The following FANCD2 variants were observed in gnomAD, a reference collection of about 807,000 sequenced individuals.
FANCD2 encodes Fanconi anemia group D2 protein.
Under a neutral mutation model 192.3 loss-of-function variants are expected in FANCD2, and 131 were observed. That is an observed-to-expected ratio of 0.68 (90% CI 0.59 to 0.79). FANCD2 has a LOEUF of 0.79. FANCD2 is among the 30% of genes least tolerant of loss of function. FANCD2 has a pLI of 0.00. For missense variants in FANCD2, 1,508 were observed against 1,701.6 expected (o/e 0.89, Z 2.00); for synonymous variants, 524 against 612.5 (o/e 0.86, Z 2.13).
chr3:10,088,471 C>G lies in FANCD2; in HGVS notation c.3489C>G (p.Leu1163=), dbSNP rs774328826. 6.2e-7 allele frequency: 1 copy of G among 1,610,626 alleles called. No homozygotes were observed. The highest frequency in any genetic ancestry group is 1.1e-5 in the South Asian group (1 of 91,002). Residue 1163 remains leucine, a synonymous_variant, in exon 35 of 44, where the codon CTC becomes CTG. Transcript: ENST00000675286. ...EKIASLARQF[L]CRVWPSGDKE... ...CAGCTTCCCTTGCCAGACAATTCCT[C>G]TGTCGGGTGTGGCCAAGTGGGGATA...
At chr3:10,070,320 G>T (rs1211104826) in intron 26 of FANCD2, among the ~76,000 whole-genome samples, 1 of 149,138 alleles carries the variant, frequency 6.7e-6, no homozygotes, top group African/African-American at 2.5e-5. Flanking sequence ...CACCCCGTCC[G>T]GGAGGGAGGT....
intron 36 of FANCD2, among the ~76,000 whole-genome samples, chr3:10,089,608 T>C (rs1694460752): frequency 6.6e-6 from 1 of 152,150 alleles, no homozygotes. Context: ...TAACTGGGAT[T>C]ATAGGCACCC....
intron 26 of FANCD2, among the ~76,000 whole-genome samples, chr3:10,068,393 A>G (rs1011118716): frequency 2.6e-5 from 4 of 152,172 alleles, no homozygotes; most frequent in Admixed American, 1.3e-4. Flanking sequence ...AGCTACAAAT[A>G]AAATAAACAA....
In FANCD2 at chr3:10,034,457, T is replaced by G. The variant is rs2086681054; in HGVS notation, c.206-12T>G. 1 of 1,608,766 alleles carries G rather than the reference T, an allele frequency of 6.2e-7. No homozygotes were observed. The highest frequency in any genetic ancestry group is 1.3e-5 in the African/African-American group (1 of 74,766). ...AGGAAACTGGTGACCAGCTCTTCTT[T>G]TTTCTGCATAGCTGTGGATCAAATA... On this transcript the variant is annotated splice_polypyrimidine_tract_variant and intron_variant, in intron 3 of 43. Coordinates refer to ENST00000675286, the MANE Select transcript of FANCD2 (RefSeq NM_001018115.3).
chr3:10,098,622 A>G (rs1200369728), intron 42 of FANCD2, 98 bp from the exon 43 acceptor site: 1 of 1,467,856 alleles, frequency 6.8e-7, no homozygotes, highest in East Asian at 2.5e-5. Context: ...AATGGCTAAA[A>G]TATCTTCCTT....
At chr3:10,052,267 T>G in intron 17 of FANCD2, 120 bp from the exon 18 acceptor site, 1 of 713,830 alleles carries the variant, frequency 1.4e-6, no homozygotes, top group South Asian at 1.5e-5. Context: ...TTAAGGGAGC[T>G]AAAAAGTTTT....
At position 10,065,903 on chromosome 3, in the gene FANCD2, A is replaced by G. The variant is rs533245636; in HGVS notation, c.2309A>G (p.Lys770Arg). ...CTAACTGACCTGGAGCCTGGAGAGA[A>G]GTTGGAGTCCATGTCTGCTAAAGAG... ...IFLTDLEPGE[K>R]LESMSAKERS... Residue 770 changes from lysine (K) to arginine (R), a missense_variant, in exon 25 of 44, where the codon AAG (lysine) becomes AGG (arginine). Around this residue, in one of 5 missense-constraint regions of FANCD2, gnomAD observed 796 missense variants for 879.4 expected, o/e 0.91. Transcript: ENST00000675286. 3.0e-5 allele frequency: 49 copies of G among 1,613,600 alleles called. No homozygotes were observed. Among genetic ancestry groups the G allele is most frequent in the Middle Eastern group, 3.3e-4 (2 of 6,056 alleles).
intron 2 of FANCD2, among the ~76,000 whole-genome samples, chr3:10,031,748 T>C (rs1207446861): frequency 4.6e-5 from 7 of 152,164 alleles, no homozygotes; most frequent in Non-Finnish European, 8.8e-5. Flanking sequence ...TCAAATTTGG[T>C]GTGTATCAGG....
At position 10,101,374 on chromosome 3, in the gene FANCD2, C is replaced by A. The variant is rs745331502; in HGVS notation, c.*112C>A. ...CTTACTGGTAGGATCCTTTTTTGTT[C>A]CTCTTTTTTTTTTTTTTTTTTTTTT... is the stretch of plus-strand genomic sequence containing the variant. On this transcript the variant is annotated 3_prime_UTR_variant, in exon 44 of 44. Coordinates refer to ENST00000675286, the MANE Select transcript of FANCD2 (RefSeq NM_001018115.3). 1.5e-3 allele frequency: 860 copies of A among 577,290 alleles called. 8 individuals are homozygous for A. The Middle Eastern group carries it at 0.033, about 22-fold the overall frequency. 35.8% of individuals were successfully genotyped at this position (577,290 alleles called of 1,614,324 possible). A position where few individuals can be genotyped will look rare whatever the true frequency, so the allele number is the denominator to read the frequency against.
chr3:10,092,301 CA>C, intron 38 of FANCD2, 49 bp downstream of exon 38: 1 of 1,416,728 alleles, frequency 7.1e-7, no homozygotes, highest in South Asian at 1.1e-5. Flanking sequence ...CTGCAGAAAC[CA>C]AGTGTCCTGG....
intron 9 of FANCD2, chr3:10,040,890 T>C (rs1046572440): frequency 1.6e-5 from 3 of 183,682 alleles, no homozygotes; most frequent in African/African-American, 7.2e-5. Context: ...GTCTTTTTTT[T>C]TTTTTAGCAT....
intron 17 of FANCD2, among the ~76,000 whole-genome samples, chr3:10,049,917 G>C (rs2087146170): frequency 6.6e-6 from 1 of 152,228 alleles, no homozygotes; most frequent in Non-Finnish European, 1.5e-5. Flanking sequence ...GTTCTAGGCA[G>C]AGAAGAGTTT....
At chr3:10,042,453 G>T (rs1235734084) in intron 10 of FANCD2, 106 bp from the exon 11 acceptor site, 1 of 942,886 alleles carries the variant, frequency 1.1e-6, no homozygotes, top group Non-Finnish European at 1.7e-6. Context: ...TAAGTGGGAA[G>T]ATGGAGTAAG....
In FANCD2 at chr3:10,050,852, C is replaced by T. The variant is rs547166347; in HGVS notation, c.1545+1347C>T. Among the ~76,000 whole-genome samples the T allele has an allele frequency of 7.2e-5, 11 of 151,970 alleles. No homozygotes were observed. The East Asian group carries it at 1.7e-3, about 24-fold the overall frequency. On this transcript the variant is annotated intron_variant, in intron 17 of 43. Coordinates refer to ENST00000675286, the MANE Select transcript of FANCD2 (RefSeq NM_001018115.3). ...TTGTAATACCAGCACTTTGGGAGGC[C>T]GAGGCGGACGGATCACCTGAGGTTG... is the stretch of plus-strand genomic sequence containing the variant.
chr3:10,101,455 G>T lies in FANCD2; in HGVS notation c.*193G>T. 1 of 538,662 alleles carries T rather than the reference G, an allele frequency of 1.9e-6. No individual in the cohort carries two copies. Among genetic ancestry groups the T allele is most frequent in the Non-Finnish European group, 3.3e-6 (1 of 303,070 alleles). 33.4% of individuals were successfully genotyped at this position (538,662 alleles called of 1,614,324 possible). A position where few individuals can be genotyped will look rare whatever the true frequency, so the allele number is the denominator to read the frequency against. On this transcript the variant is annotated 3_prime_UTR_variant, in exon 44 of 44. Coordinates refer to ENST00000675286, the MANE Select transcript of FANCD2 (RefSeq NM_001018115.3). Reference sequence around the variant, plus strand: ...GGCTGGAGTGCAGTGCTGCAATCTTGGCTCACTGCAACCTCCATCTCCTAG... The same window carrying T: ...GGCTGGAGTGCAGTGCTGCAATCTTTGCTCACTGCAACCTCCATCTCCTAG...
chr3:10,101,602 C>G lies in FANCD2; in HGVS notation c.*340C>G. 1 of 368,842 alleles carries G rather than the reference C, an allele frequency of 2.7e-6. No homozygotes were observed. Among genetic ancestry groups the G allele is most frequent in the South Asian group, 2.8e-5 (1 of 35,422 alleles). The allele number at this position is 368,842 out of a possible 1,614,324, so 22.8% of individuals were successfully genotyped here. A position where few individuals can be genotyped will look rare whatever the true frequency, so the allele number is the denominator to read the frequency against. Reference sequence around the variant, plus strand: ...GGTTTTACCATGTCGGCCAGATGGTCTCAATCTCCTGAACTCATGATCCAC... The same window carrying G: ...GGTTTTACCATGTCGGCCAGATGGTGTCAATCTCCTGAACTCATGATCCAC... On this transcript the variant is annotated 3_prime_UTR_variant, in exon 44 of 44. Transcript: ENST00000675286.
chr3:10,039,408 C>A (rs980982821), intron 8 of FANCD2, 51 bp downstream of exon 8: 4 of 1,433,812 alleles, frequency 2.8e-6, no homozygotes. Flanking sequence ...TTTCTCATAT[C>A]TTTTGGAGGT....
intron 26 of FANCD2, among the ~76,000 whole-genome samples, chr3:10,068,351 G>GA (rs560460213): frequency 6.6e-6 from 1 of 151,670 alleles, no homozygotes; most frequent in East Asian, 1.9e-4. Flanking sequence ...CTAAGAATCT[G>GA]AAAAAAATCA....
chr3:10,075,050 C>T (rs1210783275), intron 29 of FANCD2, among the ~76,000 whole-genome samples: 1 of 152,166 alleles, frequency 6.6e-6, no homozygotes, highest in Non-Finnish European at 1.5e-5. Context: ...TTACTGAGTC[C>T]TATTTTGTGT....
Sources: gnomAD v4.1 joint callset for allele counts (sites outside exome capture counted in the v4.1 genomes callset) on GRCh38, gnomAD v4.1.1 for gene constraint, gnomAD v4.1.1 regional missense constraint, MANE v1.5 for transcripts, NCBI Gene and HGNC (gene_info 2026-07-23, HGNC 2026-07-21) for gene names.